Variants in JAKMIP1 observed in about 807,000 individuals in gnomAD.
The protein encoded by JAKMIP1 is janus kinase and microtubule interacting protein 1, also known as janus kinase and microtubule-interacting protein 1.
Under a neutral mutation model 113.0 loss-of-function variants are expected in JAKMIP1, and 33 were observed. That is an observed-to-expected ratio of 0.29 (90% CI 0.22 to 0.39). The LOEUF (loss-of-function observed/expected upper bound fraction) is 0.39, where lower values mean the gene tolerates loss of function less well. Among genes scored for constraint, JAKMIP1 ranks in the 10% least tolerant of loss-of-function variants. The probability of loss-of-function intolerance (pLI) is 1.00; values close to 1 mark genes in which losing one functional copy is unlikely to be tolerated. For missense variants in JAKMIP1, 813 were observed against 1,080.5 expected (o/e 0.75, Z 3.47); for synonymous variants, 480 against 459.9 (o/e 1.04, Z -0.56).
intron 1 of JAKMIP1, among the ~76,000 whole-genome samples, chr4:6,173,242 A>G (rs868778122): frequency 6.6e-6 from 1 of 152,236 alleles, no homozygotes. Flanking sequence ...AGTTACAACT[A>G]CAAACACTAT....
chr4:6,147,552 T>C (rs1721007375), intron 1 of JAKMIP1, among the ~76,000 whole-genome samples: 1 of 152,154 alleles, frequency 6.6e-6, no homozygotes, highest in Non-Finnish European at 1.5e-5. Context: ...GTCACTCCTA[T>C]GACTAGATGG....
chr4:6,177,507 G>A (rs1402265076), intron 1 of JAKMIP1, among the ~76,000 whole-genome samples: 2 of 152,214 alleles, frequency 1.3e-5, no homozygotes, highest in Non-Finnish European at 2.9e-5. Context: ...TGGGAAGGGT[G>A]TAAGAGAAAG....
At chr4:6,085,057 T>A (rs1336946214) in intron 4 of JAKMIP1, 92 bp from the exon 5 acceptor site, 1 of 1,395,074 alleles carries the variant, frequency 7.2e-7, no homozygotes, top group Admixed American at 2.5e-5. Flanking sequence ...TCACATGACA[T>A]AATGGGTGAG....
chr4:6,048,532 GCCT>G (rs1374831123), intron 16 of JAKMIP1, among the ~76,000 whole-genome samples: 4 of 152,216 alleles, frequency 2.6e-5, no homozygotes, highest in Non-Finnish European at 5.9e-5. Flanking sequence ...TGTTTCTAAA[GCCT>G]GATGGAAAAC....
chr4:6,196,627 G>A (rs1727874246), intron 1 of JAKMIP1, among the ~76,000 whole-genome samples: 1 of 152,204 alleles, frequency 6.6e-6, no homozygotes, highest in Non-Finnish European at 1.5e-5. Flanking sequence ...GCCGAGGCGG[G>A]CAAATCACCT....
At chr4:6,117,199 T>C (rs910285961) in intron 1 of JAKMIP1, among the ~76,000 whole-genome samples, 3 of 152,212 alleles carry the variant, frequency 2.0e-5, no homozygotes, top group Admixed American at 1.3e-4. Flanking sequence ...GAAGTGCAGA[T>C]GGTAATTATC....
At chr4:6,095,332 G>A (rs766452159) in intron 3 of JAKMIP1, among the ~76,000 whole-genome samples, 7 of 150,740 alleles carry the variant, frequency 4.6e-5, no homozygotes, top group African/African-American at 7.3e-5. Flanking sequence ...GAGAGACAGC[G>A]AAAGAAAGAA....
intron 3 of JAKMIP1, among the ~76,000 whole-genome samples, chr4:6,095,184 G>A (rs1318879495): frequency 7.0e-6 from 1 of 142,742 alleles, no homozygotes; most frequent in Non-Finnish European, 1.5e-5. Context: ...AGGAAAGGAA[G>A]AAGAAAGGAA....
chr4:6,159,348 A>G (rs778819441), intron 1 of JAKMIP1, among the ~76,000 whole-genome samples: 1 of 152,164 alleles, frequency 6.6e-6, no homozygotes, highest in Non-Finnish European at 1.5e-5. Context: ...CATCTACAAA[A>G]GGCAAAAATT....
In JAKMIP1 at chr4:6,179,428, C is replaced by T. The variant is rs1725765084; in HGVS notation, c.-148+20825G>A. On this transcript the variant is annotated intron_variant, in intron 1 of 20. Coordinates refer to ENST00000409021, the MANE Select transcript of JAKMIP1 (RefSeq NM_001099433.2). The surrounding 1 kb of genome is among the most constrained non-coding windows in gnomAD (Gnocchi z 4.5). ...AACAGGACAGGAAGGCTGAGCCCCA[C>T]ACAGGGAGACCCTGCCCCATCCACC... is the stretch of plus-strand genomic sequence containing the variant. Among the ~76,000 whole-genome samples the T allele has an allele frequency of 6.6e-6, 1 of 152,172 alleles. No homozygotes were observed. Among genetic ancestry groups the T allele is most frequent in the Admixed American group, 6.5e-5 (1 of 15,274 alleles).
At chr4:6,098,574 G>T (rs1411583011) in intron 3 of JAKMIP1, among the ~76,000 whole-genome samples, 1 of 126,866 alleles carries the variant, frequency 7.9e-6, no homozygotes, top group African/African-American at 2.9e-5. Flanking sequence ...AAGAAAGAAA[G>T]AAAGAAAGAA....
intron 1 of JAKMIP1, among the ~76,000 whole-genome samples, chr4:6,164,964 T>C (rs768733767): frequency 2.0e-5 from 3 of 152,216 alleles, no homozygotes; most frequent in Non-Finnish European, 2.9e-5. Context: ...GCAAAGAATT[T>C]AAAGTATGAT....
Position 6,086,226 on chromosome 4 carries a change from T to C in JAKMIP1, c.625-597A>G, listed in dbSNP as rs1721286037. Among the ~76,000 whole-genome samples the C allele has an allele frequency of 6.6e-6, 1 of 152,216 alleles. No individual in the cohort carries two copies. The highest frequency in any genetic ancestry group is 1.5e-5 in the Non-Finnish European group (1 of 68,040). On this transcript the variant is annotated intron_variant, in intron 3 of 20. Transcript: ENST00000409021. This position sits in a 1 kb window ranked among gnomAD's most constrained non-coding sequence, Gnocchi z 4.1. The stretch of plus-strand genomic sequence containing the variant: ...CATGGTTTCTATCTTCTTTATAGAC[T>C]GTCTTGCTCTGGCTCTCATTGAAGC...
rs1178202857 is a variant in JAKMIP1, at chr4:6,122,142, C to T, written c.-147-9145G>A. ...GGCGGATCTCTTGATGTCAGAAGTT[C>T]AAGACCAGCCTGGTCAAGATAGTGA... On this transcript the variant is annotated intron_variant, in intron 1 of 20. Coordinates refer to ENST00000409021, the MANE Select transcript of JAKMIP1 (RefSeq NM_001099433.2). 2.0e-5 allele frequency among the ~76,000 whole-genome samples: 3 copies of T among 152,102 alleles called. No homozygotes were observed. In the East Asian group the frequency reaches 5.8e-4, roughly 29 times the overall value.
rs1450398807 is a variant in JAKMIP1, at chr4:6,138,103, C to G, written c.-147-25106G>C. 1.3e-5 allele frequency among the ~76,000 whole-genome samples: 2 copies of G among 152,226 alleles called. No homozygotes were observed. Among genetic ancestry groups the G allele is most frequent in the Non-Finnish European group, 2.9e-5 (2 of 68,034 alleles). ...CTAAGCCCAGACAAGACTCTGCTCC[C>G]TGACCTTCCACTACTGGCACCTACT... On this transcript the variant is annotated intron_variant, in intron 1 of 20. Coordinates refer to ENST00000409021, the MANE Select transcript of JAKMIP1 (RefSeq NM_001099433.2). The surrounding 1 kb of genome is among the most constrained non-coding windows in gnomAD (Gnocchi z 6.0).
rs550252170 is a variant in JAKMIP1, at chr4:6,155,937, G to A, written c.-147-42940C>T. On this transcript the variant is annotated intron_variant, in intron 1 of 20. Coordinates refer to ENST00000409021, the MANE Select transcript of JAKMIP1 (RefSeq NM_001099433.2). This position sits in a 1 kb window ranked among gnomAD's most constrained non-coding sequence, Gnocchi z 6.1. ...TTCTGTGCGGTAATGTGTGAGAACC[G>A]CTGCTGGGGATGAATATCTACTGCC... Among the ~76,000 whole-genome samples, 7 of 152,262 alleles carry A rather than the reference G, an allele frequency of 4.6e-5. No individual in the cohort carries two copies. The highest frequency in any genetic ancestry group is 7.4e-5 in the Non-Finnish European group (5 of 68,020).
chr4:6,070,136 G>C, intron 8 of JAKMIP1: 1 of 398,868 alleles, frequency 2.5e-6, no homozygotes, highest in Non-Finnish European at 4.4e-6. Flanking sequence ...AGAAAGAGAA[G>C]TACAGCACAA....
At chr4:6,146,142 T>C (rs1036259000) in intron 1 of JAKMIP1, among the ~76,000 whole-genome samples, 2 of 147,398 alleles carry the variant, frequency 1.4e-5, no homozygotes, top group African/African-American at 2.5e-5. Flanking sequence ...CTTGAGGACA[T>C]TACACTCAGT....
rs552884755 is a variant in JAKMIP1, at chr4:6,106,342, G to T, written c.130-375C>A. 2.0e-5 allele frequency among the ~76,000 whole-genome samples: 3 copies of T among 151,998 alleles called. No homozygotes were observed. The highest frequency in any genetic ancestry group is 2.1e-4 in the South Asian group (1 of 4,806). ...TGTAAACCAGAAATATATTTCCAGG[G>T]CCCCATGCGCGGACTGTGGAGTTGG... is the stretch of plus-strand genomic sequence containing the variant. On this transcript the variant is annotated intron_variant, in intron 2 of 20. Coordinates refer to ENST00000409021, the MANE Select transcript of JAKMIP1 (RefSeq NM_001099433.2). This position sits in a 1 kb window ranked among gnomAD's most constrained non-coding sequence, Gnocchi z 5.9.
Sources: allele counts gnomAD v4.1 joint callset (sites outside exome capture counted in the v4.1 genomes callset), GRCh38; gene constraint gnomAD v4.1.1; non-coding constraint Gnocchi (gnomAD v3.1); transcripts MANE v1.5; gene names NCBI Gene and HGNC (gene_info 2026-07-23, HGNC 2026-07-21).